ST18: variants seen among roughly 807,000 people sequenced by gnomAD.
The protein encoded by ST18 is suppression of tumorigenicity 18 protein.
A neutral mutation model predicts 110.0 loss-of-function variants in ST18; 50 were observed. The observed-to-expected ratio is 0.45, with a 90% confidence interval of 0.36 to 0.58. The LOEUF (loss-of-function observed/expected upper bound fraction) is 0.58. Among genes scored for constraint, ST18 ranks in the 20% least tolerant of loss-of-function variants. ST18 has a pLI of 0.00. For synonymous variants in ST18, 461 were observed against 452.4 expected (o/e 1.02, Z -0.24); for missense variants, 1,306 against 1,280.1 (o/e 1.02, Z -0.31).
chr8:52,368,288 A>G (rs1478822732), intron 2 of ST18, among the ~76,000 whole-genome samples: 4 of 152,248 alleles, frequency 2.6e-5, no homozygotes, highest in Non-Finnish European at 5.9e-5. Context: ...AAAGAAGGAA[A>G]ATAGTCTTAA....
chr8:52,335,108 C>T (rs970782343), intron 2 of ST18, among the ~76,000 whole-genome samples: 1 of 152,000 alleles, frequency 6.6e-6, no homozygotes, highest in Non-Finnish European at 1.5e-5. Flanking sequence ...TTATTTTTTT[C>T]CCACCAGGCA....
At chr8:52,171,428 G>A (rs998752890) in intron 10 of ST18, 1 of 362,514 alleles carries the variant, frequency 2.8e-6, no homozygotes. Flanking sequence ...GAATGAGGGT[G>A]GGAAAGAAAA....
intron 2 of ST18, among the ~76,000 whole-genome samples, chr8:52,310,747 G>A (rs1381617769): frequency 6.6e-6 from 1 of 152,154 alleles, no homozygotes; most frequent in Non-Finnish European, 1.5e-5. Context: ...AGTTTAACCA[G>A]AGAGAGGCGG....
intron 2 of ST18, among the ~76,000 whole-genome samples, chr8:52,357,422 C>G (rs1823256084): frequency 1.3e-5 from 2 of 151,444 alleles, no homozygotes; most frequent in African/African-American, 4.8e-5. Flanking sequence ...CAACTATATA[C>G]TACTTATAAA....
chr8:52,118,465 G>T, intron 23 of ST18, 24 bp from the exon 24 acceptor site: 2 of 1,409,470 alleles, frequency 1.4e-6, no homozygotes, highest in South Asian at 2.6e-5. Flanking sequence ...GACTACCTTA[G>T]TTCAAACTGA....
intron 9 of ST18, 132 bp from the exon 10 acceptor site, chr8:52,172,715 A>G (rs1463312171): frequency 5.0e-6 from 3 of 596,284 alleles, no homozygotes; most frequent in Non-Finnish European, 8.4e-6. Flanking sequence ...ATGTACACAT[A>G]TACATACATA....
At chr8:52,275,147 A>C (rs569504101) in intron 2 of ST18, among the ~76,000 whole-genome samples, 1 of 152,288 alleles carries the variant, frequency 6.6e-6, no homozygotes, top group South Asian at 2.1e-4. Context: ...TTAAATACTT[A>C]AAAATAATTT....
chr8:52,269,618 C>G (rs2095001552), intron 2 of ST18, among the ~76,000 whole-genome samples: 2 of 152,112 alleles, frequency 1.3e-5, no homozygotes, highest in African/African-American at 2.4e-5. Context: ...TGTTTGGATT[C>G]TCCTCTGAGT....
chr8:52,171,191 AG>A (rs1490634527), intron 10 of ST18, among the ~76,000 whole-genome samples: 4 of 152,200 alleles, frequency 2.6e-5, no homozygotes, highest in Admixed American at 1.3e-4. Flanking sequence ...GAGAAAGAGC[AG>A]GGGGAATGCT....
At position 52,171,962 on chromosome 8, in the gene ST18, T is replaced by A; in HGVS notation, c.899A>T (p.Lys300Met). The change falls in exon 10 of 26, where the codon AAG becomes ATG. Residue 300 changes from lysine (K) to methionine (M), a missense_variant. By Grantham distance (95) the Lys-to-Met change is moderately conservative. Coordinates refer to ENST00000689386, the MANE Select transcript of ST18 (RefSeq NM_001352837.2). ...TEEGSDLEKA[K>M]GNLSLLEQAI... ...CTGCTCCAGCAAACTTAAATTCCCCTTGGCCTTTTCCAGGTCACTACCCTC... is the reference window on the plus strand; with the variant it reads ...CTGCTCCAGCAAACTTAAATTCCCCATGGCCTTTTCCAGGTCACTACCCTC... The A allele has an allele frequency of 1.2e-6, 2 of 1,614,202 alleles. No homozygotes were observed. The highest frequency in any genetic ancestry group is 1.7e-6 in the Non-Finnish European group (2 of 1,180,042).
chr8:52,234,577 C>A (rs563643359), intron 2 of ST18, among the ~76,000 whole-genome samples: 153 of 152,210 alleles, frequency 1.0e-3, no homozygotes, highest in African/African-American at 3.6e-3. Flanking sequence ...GATACAGCAA[C>A]CCCACTACTG....
intron 16 of ST18, among the ~76,000 whole-genome samples, chr8:52,148,633 T>C (rs1386471757): frequency 4.1e-5 from 6 of 148,140 alleles, no homozygotes; most frequent in South Asian, 2.1e-4. Context: ...CTTGGAGATG[T>C]TGGCAAAACT....
chr8:52,278,665 C>T lies in ST18; in HGVS notation c.-464-48588G>A, dbSNP rs2095319973. Among the ~76,000 whole-genome samples the T allele has an allele frequency of 1.1e-4, 16 of 152,210 alleles. 1 individual carries two copies. The highest frequency in any genetic ancestry group is 1.0e-3 in the Admixed American group (16 of 15,284). ...ACAAGCACACACACAAACAAACACA[C>T]TTGCCCTACCAAGAGTAACTGAAAG... On this transcript the variant is annotated intron_variant, in intron 2 of 25. Transcript: ENST00000689386.
chr8:52,197,384 CACAGCCTTACTAATGAAA>C, intron 8 of ST18, among the ~76,000 whole-genome samples: 1 of 152,280 alleles, frequency 6.6e-6, no homozygotes, highest in East Asian at 1.9e-4. Flanking sequence ...GTGAAGCAGG[CACAGCCTTACTAATGAAA>C]ACGATCTCAT....
intron 25 of ST18, among the ~76,000 whole-genome samples, chr8:52,115,566 A>C (rs942525671): frequency 6.6e-6 from 1 of 152,246 alleles, no homozygotes; most frequent in African/African-American, 2.4e-5. Flanking sequence ...ACAGGTGGGT[A>C]ACCTCAGAGC....
At chr8:52,374,587 G>T (rs1356665500) in intron 2 of ST18, among the ~76,000 whole-genome samples, 1 of 151,648 alleles carries the variant, frequency 6.6e-6, no homozygotes, top group Non-Finnish European at 1.5e-5. Flanking sequence ...TTGTTACATA[G>T]GTAAATGTGT....
intron 24 of ST18, among the ~76,000 whole-genome samples, chr8:52,116,774 A>AC (rs902073366): frequency 2.0e-5 from 3 of 151,814 alleles, no homozygotes; most frequent in East Asian, 1.9e-4. Flanking sequence ...TGTAGTGCAG[A>AC]CCCCCCATGG....
At chr8:52,133,402 C>A (rs1184646721) in intron 19 of ST18, 101 bp from the exon 20 acceptor site, 2 of 1,394,962 alleles carry the variant, frequency 1.4e-6, no homozygotes, top group South Asian at 1.2e-5. Flanking sequence ...CATTAATGTT[C>A]CAAGTCTCTG....
intron 2 of ST18, among the ~76,000 whole-genome samples, chr8:52,362,679 A>G (rs1244257001): frequency 6.6e-6 from 1 of 152,172 alleles, no homozygotes; most frequent in African/African-American, 2.4e-5. Context: ...TTTCTGATGC[A>G]TTGCTGAGGA....
Sources: allele counts gnomAD v4.1 joint callset (sites outside exome capture counted in the v4.1 genomes callset), GRCh38; gene constraint gnomAD v4.1.1; transcripts MANE v1.5; gene names NCBI Gene and HGNC (gene_info 2026-07-23, HGNC 2026-07-21).